Variants in SLCO6A1 observed in about 807,000 individuals in gnomAD.
SLCO6A1 encodes the protein cancer/testis antigen 48.
Under a neutral mutation model 72.7 loss-of-function variants are expected in SLCO6A1, and 65 were observed. The observed-to-expected ratio is 0.89, with a 90% CI of 0.73 to 1.10. SLCO6A1 has a LOEUF of 1.10. Ranked by LOEUF, SLCO6A1 falls within the 50% of genes least tolerant of loss-of-function variation. The pLI, the probability that SLCO6A1 is intolerant of heterozygous loss-of-function variation, is 0.00. For synonymous variants in SLCO6A1, 314 were observed against 298.2 expected (o/e 1.05, Z -0.55); for missense variants, 874 against 872.6 (o/e 1.00, Z -0.02).
Position 102,404,344 on chromosome 5 carries a change from A to C in SLCO6A1, c.1627-4602T>G, listed in dbSNP as rs967947335. Among the ~76,000 whole-genome samples, 14 of 152,158 alleles carry C rather than the reference A, an allele frequency of 9.2e-5. No homozygotes were observed. In the South Asian group the frequency reaches 2.1e-3, roughly 23 times the overall value. On this transcript the variant is annotated intron_variant, in intron 9 of 13. Coordinates refer to ENST00000506729, the MANE Select transcript of SLCO6A1 (RefSeq NM_173488.5). ...CCCCATCTCTACTAAAAATACAAAC[A>C]ATTAGCCAGGTGTGGTGACAGGCAC...
At chr5:102,436,612 T>C (rs1749550306) in intron 7 of SLCO6A1, among the ~76,000 whole-genome samples, 1 of 152,160 alleles carries the variant, frequency 6.6e-6, no homozygotes, top group South Asian at 2.1e-4. Context: ...CATACTCTCT[T>C]CTTTGAGCTG....
intron 4 of SLCO6A1, among the ~76,000 whole-genome samples, chr5:102,470,649 G>A (rs1195268435): frequency 2.0e-5 from 3 of 151,640 alleles, no homozygotes; most frequent in Non-Finnish European, 4.4e-5. Context: ...TTGTCTCATG[G>A]GGTGTTCCCT....
intron 8 of SLCO6A1, among the ~76,000 whole-genome samples, chr5:102,414,228 G>C (rs1248758489): frequency 6.6e-6 from 1 of 151,706 alleles, no homozygotes; most frequent in East Asian, 1.9e-4. Flanking sequence ...AATTCATTTT[G>C]AACTAATTAT....
chr5:102,443,326 A>G (rs193292738), intron 6 of SLCO6A1, among the ~76,000 whole-genome samples: 2 of 152,190 alleles, frequency 1.3e-5, no homozygotes, highest in African/African-American at 2.4e-5. Flanking sequence ...GCTAGTGACT[A>G]TTTTCTTCAT....
At chr5:102,477,423 C>A (rs1468259675) in intron 3 of SLCO6A1, among the ~76,000 whole-genome samples, 1 of 152,118 alleles carries the variant, frequency 6.6e-6, no homozygotes, top group South Asian at 2.1e-4. Context: ...CATGCCTGGC[C>A]GAAAGTACGT....
intron 4 of SLCO6A1, among the ~76,000 whole-genome samples, chr5:102,467,886 C>A (rs1751390760): frequency 6.6e-6 from 1 of 151,812 alleles, no homozygotes; most frequent in Non-Finnish European, 1.5e-5. Flanking sequence ...GTGTTTGGTT[C>A]ATTCTTGTTT....
chr5:102,407,265 A>G (rs1412551918), intron 9 of SLCO6A1, among the ~76,000 whole-genome samples: 1 of 152,180 alleles, frequency 6.6e-6, no homozygotes, highest in Non-Finnish European at 1.5e-5. Flanking sequence ...CTTTTCCTAG[A>G]AATTTCTGCA....
At chr5:102,390,308 T>C (rs916162647) in intron 11 of SLCO6A1, among the ~76,000 whole-genome samples, 5 of 152,120 alleles carry the variant, frequency 3.3e-5, no homozygotes, top group Non-Finnish European at 7.4e-5. Context: ...AACAAAAATA[T>C]TATCTAATTT....
Position 102,480,334 on chromosome 5 carries a change from A to G in SLCO6A1, c.459T>C (p.Ile153=), listed in dbSNP as rs1480236147. The G allele has an allele frequency of 1.2e-6, 2 of 1,613,590 alleles. No individual in the cohort carries two copies. The highest frequency in any genetic ancestry group is 1.7e-6 in the Non-Finnish European group (2 of 1,179,748). ...EKLALEKSYD[I]SSGLVAIFIA... Reference sequence around the variant, plus strand: ...TAAATATTGCTACCAGGCCAGATGAAATATCGTAACTCTTTTCCAATGCCA... The same window carrying G: ...TAAATATTGCTACCAGGCCAGATGAGATATCGTAACTCTTTTCCAATGCCA... Residue 153 remains isoleucine, a synonymous_variant, in exon 2 of 14, where the codon ATT becomes ATC. Transcript: ENST00000506729.
chr5:102,415,933 A>G (rs572450270), intron 8 of SLCO6A1, among the ~76,000 whole-genome samples: 1 of 152,302 alleles, frequency 6.6e-6, no homozygotes, highest in Non-Finnish European at 1.5e-5. Context: ...AAACATACAA[A>G]TAGCCAACAG....
chr5:102,443,214 A>G (rs1259378477), intron 6 of SLCO6A1, among the ~76,000 whole-genome samples: 1 of 152,188 alleles, frequency 6.6e-6, no homozygotes, highest in East Asian at 1.9e-4. Context: ...GACGGAAAAA[A>G]AGAAGTGAGA....
chr5:102,440,402 G>A (rs531229131), intron 6 of SLCO6A1, among the ~76,000 whole-genome samples: 13 of 152,080 alleles, frequency 8.5e-5, no homozygotes, highest in African/African-American at 2.9e-4. Flanking sequence ...TAGGTTGTGC[G>A]ATCCCCATGA....
At chr5:102,380,985 T>G (rs1278165943) in intron 12 of SLCO6A1, among the ~76,000 whole-genome samples, 1 of 151,910 alleles carries the variant, frequency 6.6e-6, no homozygotes, top group East Asian at 1.9e-4. Flanking sequence ...AGGGTATATA[T>G]TTATAGTATA....
At chr5:102,430,804 C>T (rs1749175414) in intron 7 of SLCO6A1, among the ~76,000 whole-genome samples, 1 of 151,970 alleles carries the variant, frequency 6.6e-6, no homozygotes, top group African/African-American at 2.4e-5. Context: ...TGATTCTGGC[C>T]TCATAGAATG....
At chr5:102,424,461 T>C (rs1391491196) in intron 7 of SLCO6A1, among the ~76,000 whole-genome samples, 2 of 152,096 alleles carry the variant, frequency 1.3e-5, no homozygotes, top group African/African-American at 4.8e-5. Flanking sequence ...CTCACAATAA[T>C]ACAAACTACC....
chr5:102,457,260 A>G (rs1473577942), intron 6 of SLCO6A1, among the ~76,000 whole-genome samples: 1 of 138,118 alleles, frequency 7.2e-6, no homozygotes, highest in African/African-American at 2.7e-5. Flanking sequence ...ATGGGATCTA[A>G]TTAAACTAAA....
At chr5:102,386,169 G>C (rs1379491901) in intron 12 of SLCO6A1, among the ~76,000 whole-genome samples, 1 of 152,058 alleles carries the variant, frequency 6.6e-6, no homozygotes, top group Non-Finnish European at 1.5e-5. Flanking sequence ...CTGATTCATG[G>C]GTCTACAGGA....
chr5:102,457,678 G>A (rs1750801472), intron 6 of SLCO6A1, among the ~76,000 whole-genome samples: 1 of 152,172 alleles, frequency 6.6e-6, no homozygotes, highest in Non-Finnish European at 1.5e-5. Flanking sequence ...TTCAACCATT[G>A]CGGAAGTCAA....
chr5:102,436,794 C>T (rs1334019613), intron 7 of SLCO6A1, among the ~76,000 whole-genome samples: 2 of 152,148 alleles, frequency 1.3e-5, no homozygotes, highest in African/African-American at 4.8e-5. Context: ...GCTTACACTG[C>T]CATCTTGTCA....
Sources: allele counts gnomAD v4.1 joint callset (sites outside exome capture counted in the v4.1 genomes callset), GRCh38; gene constraint gnomAD v4.1.1; transcripts MANE v1.5; gene names NCBI Gene and HGNC (gene_info 2026-07-23, HGNC 2026-07-21).